ASZ1: variants seen among roughly 807,000 people sequenced by gnomAD.
ASZ1 encodes the protein ankyrin repeat, SAM and basic leucine zipper domain containing 1, also known as ankyrin repeat, SAM and basic leucine zipper domain-containing protein 1.
In ASZ1, 67 loss-of-function variants were observed where a neutral mutation model predicts 61.8. The ratio of observed to expected loss-of-function variants is 1.08; its 90% CI spans 0.89 to 1.33. ASZ1 has a LOEUF of 1.33. Ranked by LOEUF, ASZ1 falls within the 40% of genes most tolerant of loss-of-function variation. The probability of loss-of-function intolerance (pLI) is 0.00; values close to 1 mark genes in which losing one functional copy is unlikely to be tolerated. For synonymous variants in ASZ1, 193 were observed against 192.7 expected (o/e 1.00, Z -0.01); for missense variants, 577 against 554.5 (o/e 1.04, Z -0.41).
intron 4 of ASZ1, among the ~76,000 whole-genome samples, chr7:117,415,359 C>T (rs1349499428): frequency 2.6e-5 from 4 of 152,110 alleles, no homozygotes; most frequent in Non-Finnish European, 5.9e-5. Context: ...CCGGCATATC[C>T]ACGCTATATA....
intron 2 of ASZ1, among the ~76,000 whole-genome samples, chr7:117,423,380 G>C (rs1797134324): frequency 6.6e-6 from 1 of 151,980 alleles, no homozygotes; most frequent in South Asian, 2.1e-4. Flanking sequence ...AACCATCTTA[G>C]TATAGACATC....
At chr7:117,367,882 T>G (rs1464729975) in intron 11 of ASZ1, 6 of 985,108 alleles carry the variant, frequency 6.1e-6, no homozygotes, top group Middle Eastern at 1.0e-3. Flanking sequence ...CCACTTCCAC[T>G]TTTTCTTTCT....
chr7:117,390,028 T>C (rs1449430422), intron 4 of ASZ1, among the ~76,000 whole-genome samples: 1 of 152,150 alleles, frequency 6.6e-6, no homozygotes, highest in Non-Finnish European at 1.5e-5. Context: ...TTTAGGATAA[T>C]GGCCTCCAGC....
intron 5 of ASZ1, among the ~76,000 whole-genome samples, chr7:117,385,463 G>A (rs1166510319): frequency 6.6e-6 from 1 of 151,972 alleles, no homozygotes; most frequent in African/African-American, 2.4e-5. Context: ...GTTTCACCAT[G>A]TTGGCCAGGC....
chr7:117,401,092 G>T (rs1796672101), intron 4 of ASZ1, among the ~76,000 whole-genome samples: 1 of 152,134 alleles, frequency 6.6e-6, no homozygotes, highest in Non-Finnish European at 1.5e-5. Context: ...TTTAATAGTG[G>T]ATTAGCTACA....
At chr7:117,381,290 G>T (rs990984953) in intron 8 of ASZ1, among the ~76,000 whole-genome samples, 5 of 151,976 alleles carry the variant, frequency 3.3e-5, no homozygotes, top group East Asian at 1.9e-4. Flanking sequence ...TAGTTTTCCA[G>T]ATTCAAATGA....
intron 12 of ASZ1, among the ~76,000 whole-genome samples, chr7:117,364,910 C>T (rs1212688984): frequency 6.6e-6 from 1 of 151,988 alleles, no homozygotes. Context: ...AGTGTGTTGG[C>T]TTGAAAGAGA....
chr7:117,410,744 GA>G (rs140018621), intron 4 of ASZ1, among the ~76,000 whole-genome samples: 8,980 of 146,780 alleles, frequency 0.061, 916 homozygotes, highest in African/African-American at 0.21. Context: ...GATGTAAGAG[GA>G]AAAAAAAAAT....
chr7:117,422,489 A>G (rs1584745430), intron 2 of ASZ1, 130 bp from the exon 3 acceptor site: 1 of 1,043,374 alleles, frequency 9.6e-7, no homozygotes, highest in East Asian at 2.7e-5. Context: ...GAAGTTTTTA[A>G]TGGCTTCCAA....
chr7:117,367,426 C>A lies in ASZ1; in HGVS notation c.1201G>T (p.Val401Phe). Reference protein sequence around the residue: ...EWASPQNFTSVCEELVNNVED... With the variant: ...EWASPQNFTSFCEELVNNVED... ...ACATTATTAACCAATTCTTCACAAA[C>A]TGAAGTAAAATTCTGGGGAGAAGCC... is the stretch of plus-strand genomic sequence containing the variant. The change falls in exon 12 of 13, where the codon GTT becomes TTT. Residue 401 changes from valine (V) to phenylalanine (F), a missense_variant. Coordinates refer to ENST00000284629, the MANE Select transcript of ASZ1 (RefSeq NM_130768.3). The A allele has an allele frequency of 6.4e-7, 1 of 1,559,408 alleles. No individual in the cohort carries two copies. The highest frequency in any genetic ancestry group is 8.7e-7 in the Non-Finnish European group (1 of 1,154,660).
chr7:117,384,802 A>C lies in ASZ1; in HGVS notation c.611T>G (p.Leu204Arg), dbSNP rs924472280. 1.2e-5 allele frequency: 19 copies of C among 1,610,268 alleles called. No homozygotes were observed. Among genetic ancestry groups the C allele is most frequent in the Non-Finnish European group, 1.5e-5 (18 of 1,178,700 alleles). Residue 204 changes from leucine (L) to arginine (R), a missense_variant, in exon 6 of 13, where the codon CTT (leucine) becomes CGT (arginine). Coordinates refer to ENST00000284629, the MANE Select transcript of ASZ1 (RefSeq NM_130768.3). ...GGTTTGTAGCATTTTATTAGCTCCA[A>C]GTTCAAGCAACTTCAAAACTATATT... ...HKNIVLKLLE[L>R]GANKMLQTKD... is the part of the protein sequence containing the mutation.
At chr7:117,373,430 G>C (rs1388558209) in intron 10 of ASZ1, among the ~76,000 whole-genome samples, 1 of 152,132 alleles carries the variant, frequency 6.6e-6, no homozygotes, top group East Asian at 1.9e-4. Flanking sequence ...TAAATGCAGT[G>C]TGTGTATGCA....
At chr7:117,409,102 C>G (rs1796845285) in intron 4 of ASZ1, among the ~76,000 whole-genome samples, 1 of 151,726 alleles carries the variant, frequency 6.6e-6, no homozygotes, top group African/African-American at 2.4e-5. Flanking sequence ...AAAATACACA[C>G]AAATTACAAG....
At chr7:117,397,739 A>G (rs1796603400) in intron 4 of ASZ1, among the ~76,000 whole-genome samples, 1 of 152,256 alleles carries the variant, frequency 6.6e-6, no homozygotes, top group African/African-American at 2.4e-5. Context: ...AAAAATCCCC[A>G]TCTCTCCACA....
intron 4 of ASZ1, among the ~76,000 whole-genome samples, chr7:117,389,299 T>C (rs1003222997): frequency 4.6e-5 from 7 of 152,104 alleles, no homozygotes; most frequent in Admixed American, 6.6e-5. Flanking sequence ...TAGTACCTAA[T>C]AGGTAGTTTT....
intron 4 of ASZ1, among the ~76,000 whole-genome samples, chr7:117,391,999 T>G (rs1295261005): frequency 6.6e-6 from 1 of 151,848 alleles, no homozygotes; most frequent in Non-Finnish European, 1.5e-5. Flanking sequence ...ACCATGTTGG[T>G]CAGGCTGGTC....
chr7:117,378,335 CATT>C (rs1175953474), intron 10 of ASZ1, among the ~76,000 whole-genome samples: 1 of 151,996 alleles, frequency 6.6e-6, no homozygotes, highest in Non-Finnish European at 1.5e-5. Context: ...CAAAACTCAA[CATT>C]AAAAAACAAT....
rs759034951 is a variant in ASZ1 at position 117,379,949 on chromosome 7, C to CT, written c.1043dup (p.Leu349ValfsTer6). ...TAAGTTAATTTTACCTGATTTCCAACTTTGTCTCTTCAGATAGCTCTCCAA... is the reference window on the plus strand; with the variant it reads ...TAAGTTAATTTTACCTGATTTCCAACTTTTGTCTCTTCAGATAGCTCTCCAA... On this transcript the variant is annotated frameshift_variant, in exon 10 of 13. Transcript: ENST00000284629. LOFTEE classifies it high-confidence loss of function. 52 of 1,587,530 alleles carry CT rather than the reference C, an allele frequency of 3.3e-5. No individual in the cohort carries two copies. Among genetic ancestry groups the CT allele is most frequent in the Admixed American group, 5.1e-5 (3 of 59,372 alleles).
At chr7:117,365,621 A>G (rs1303145347) in intron 12 of ASZ1, among the ~76,000 whole-genome samples, 1 of 152,208 alleles carries the variant, frequency 6.6e-6, no homozygotes, top group Non-Finnish European at 1.5e-5. Context: ...GTATCTTTAT[A>G]CATATGCTTC....
Sources: allele counts gnomAD v4.1 joint callset (sites outside exome capture counted in the v4.1 genomes callset), GRCh38; gene constraint gnomAD v4.1.1; transcripts MANE v1.5; gene names NCBI Gene and HGNC (gene_info 2026-07-23, HGNC 2026-07-21).